PRKAR2B: variants seen among roughly 807,000 people sequenced by gnomAD.
The protein encoded by PRKAR2B is protein kinase cAMP-dependent type II regulatory subunit beta.
PRKAR2B carries 14 observed loss-of-function variants against 49.9 expected under a neutral mutation model. The ratio of observed to expected loss-of-function variants is 0.28; its 90% CI spans 0.19 to 0.44. The LOEUF (loss-of-function observed/expected upper bound fraction) is 0.44, where lower values mean the gene tolerates loss of function less well. Ranked by LOEUF, PRKAR2B falls within the 20% of genes least tolerant of loss-of-function variation. The pLI, the probability that PRKAR2B is intolerant of heterozygous loss-of-function variation, is 1.00. For missense variants in PRKAR2B, 393 were observed against 537.9 expected (o/e 0.73, Z 2.67); for synonymous variants, 196 against 197.7 (o/e 0.99, Z 0.07).
chr7:107,116,559 G>A (rs147172311), intron 2 of PRKAR2B, among the ~76,000 whole-genome samples: 13 of 152,108 alleles, frequency 8.5e-5, no homozygotes, highest in African/African-American at 2.9e-4. Flanking sequence ...ACACATAGAT[G>A]CTTTGCATTA....
intron 10 of PRKAR2B, among the ~76,000 whole-genome samples, chr7:107,158,147 T>C (rs961365347): frequency 6.9e-6 from 1 of 145,842 alleles, no homozygotes; most frequent in African/African-American, 2.5e-5. Context: ...GTAATTTCCC[T>C]AAGTAGGGCT....
chr7:107,057,513 T>A (rs899661733), intron 1 of PRKAR2B, among the ~76,000 whole-genome samples: 7 of 152,028 alleles, frequency 4.6e-5, no homozygotes, highest in South Asian at 2.1e-4. Context: ...AATTTAAGAG[T>A]AATTATGTGA....
chr7:107,144,850 TAGTCAACAGAATAAA>T (rs1795861063), intron 5 of PRKAR2B, among the ~76,000 whole-genome samples: 1 of 150,706 alleles, frequency 6.6e-6, no homozygotes, highest in Non-Finnish European at 1.5e-5. Flanking sequence ...TGTTAGGGTT[TAGTCAACAGAATAAA>T]GCCAAAGAAT....
intron 2 of PRKAR2B, among the ~76,000 whole-genome samples, chr7:107,099,258 A>C (rs953170504): frequency 2.0e-5 from 3 of 151,998 alleles, no homozygotes; most frequent in Non-Finnish European, 4.4e-5. Flanking sequence ...TTGCAGTTTG[A>C]TCTCAGACTT....
At chr7:107,122,871 A>AT (rs1327404861) in intron 3 of PRKAR2B, among the ~76,000 whole-genome samples, 1 of 152,180 alleles carries the variant, frequency 6.6e-6, no homozygotes, top group Non-Finnish European at 1.5e-5. Context: ...TCCTGGACCC[A>AT]TGGGGATTCC....
At chr7:107,106,003 G>A (rs1795063319) in intron 2 of PRKAR2B, among the ~76,000 whole-genome samples, 1 of 152,068 alleles carries the variant, frequency 6.6e-6, no homozygotes, top group Non-Finnish European at 1.5e-5. Context: ...TCCTATTTTT[G>A]CCTATTGTAG....
chr7:107,052,905 A>G (rs1341778807), intron 1 of PRKAR2B, among the ~76,000 whole-genome samples: 1 of 152,192 alleles, frequency 6.6e-6, no homozygotes, highest in Admixed American at 6.5e-5. Context: ...ATCTTGGCTC[A>G]CTGCAGCCTC....
chr7:107,121,827 T>C (rs561250713), intron 2 of PRKAR2B, 125 bp from the exon 3 acceptor site: 3 of 453,700 alleles, frequency 6.6e-6, no homozygotes, highest in South Asian at 1.6e-4. Flanking sequence ...CTTCTCCTGG[T>C]TGAGGTGAAT....
In PRKAR2B at chr7:107,122,455, A is replaced by T. The variant is rs1584439863; in HGVS notation, c.396+451A>T. On this transcript the variant is annotated intron_variant, in intron 3 of 10. Transcript: ENST00000265717. ...TGTGAGTCTTCATAGTTTGCTCAGC[A>T]GCTGACTTCTTGCAGGCCCTAATGT... 2.0e-5 allele frequency among the ~76,000 whole-genome samples: 3 copies of T among 152,324 alleles called. No homozygotes were observed. In the East Asian group the frequency reaches 5.8e-4, roughly 29 times the overall value.
At chr7:107,117,394 T>C (rs1440272110) in intron 2 of PRKAR2B, among the ~76,000 whole-genome samples, 1 of 152,190 alleles carries the variant, frequency 6.6e-6, no homozygotes, top group African/African-American at 2.4e-5. Flanking sequence ...ATTGAGAACA[T>C]TGGCAAATTA....
chr7:107,107,691 C>T (rs997840340), intron 2 of PRKAR2B, among the ~76,000 whole-genome samples: 2 of 151,912 alleles, frequency 1.3e-5, no homozygotes, highest in Admixed American at 1.3e-4. Flanking sequence ...CAGAGTCTCG[C>T]TCTGTCACCA....
chr7:107,063,923 A>G (rs957598748), intron 1 of PRKAR2B, among the ~76,000 whole-genome samples: 15 of 152,210 alleles, frequency 9.9e-5, no homozygotes, highest in African/African-American at 3.6e-4. Flanking sequence ...CAAGCAGAAC[A>G]TTGGTCTCCA....
At position 107,157,219 on chromosome 7, in the gene PRKAR2B, G is replaced by C; in HGVS notation, c.1018G>C (p.Glu340Gln). 6.2e-7 allele frequency: 1 copy of C among 1,614,166 alleles called. No individual in the cohort carries two copies. The highest frequency in any genetic ancestry group is 1.3e-5 in the African/African-American group (1 of 75,068). The change falls in exon 10 of 11, where the codon GAA becomes CAA. Residue 340 changes from glutamate (E) to glutamine (Q), a missense_variant. Glu to Gln is a conservative substitution (Grantham distance 29, BLOSUM62 2). This residue lies in a region of PRKAR2B where 233 missense variants were observed against 390.4 expected (regional missense o/e 0.60). Coordinates refer to ENST00000265717, the MANE Select transcript of PRKAR2B (RefSeq NM_002736.3). ...AGAAGTGGAAGAGAATGGTGCAGTA[G>C]AAATCGCTCGATGCTCGCGGGGACA... ...KSEVEENGAV[E>Q]IARCSRGQYF...
intron 2 of PRKAR2B, among the ~76,000 whole-genome samples, chr7:107,076,915 T>C (rs1438025872): frequency 6.6e-6 from 1 of 152,206 alleles, no homozygotes; most frequent in Non-Finnish European, 1.5e-5. Context: ...TAGCAGAAGT[T>C]CACATCTTGT....
intron 4 of PRKAR2B, among the ~76,000 whole-genome samples, chr7:107,139,090 A>G (rs978015463): frequency 1.1e-4 from 17 of 151,572 alleles, no homozygotes; most frequent in African/African-American, 3.6e-4. Flanking sequence ...TTTTGGTCTC[A>G]TGGATATAAT....
chr7:107,122,499 A>C (rs1438452303), intron 3 of PRKAR2B, among the ~76,000 whole-genome samples: 1 of 152,154 alleles, frequency 6.6e-6, no homozygotes, highest in Non-Finnish European at 1.5e-5. Flanking sequence ...GAATTTGTCC[A>C]CTGTGATTTC....
intron 4 of PRKAR2B, 28 bp downstream of exon 4, chr7:107,128,323 G>A (rs752586332): frequency 1.9e-6 from 3 of 1,548,308 alleles, no homozygotes; most frequent in Admixed American, 3.3e-5. Flanking sequence ...AATAGAAATG[G>A]CTTTGTTTTT....
intron 2 of PRKAR2B, among the ~76,000 whole-genome samples, chr7:107,080,311 A>G (rs989994446): frequency 6.6e-6 from 1 of 152,196 alleles, no homozygotes; most frequent in Admixed American, 6.5e-5. Context: ...AGAAGAATCA[A>G]GTTTCAACCA....
At chr7:107,109,139 G>T (rs1171478859) in intron 2 of PRKAR2B, among the ~76,000 whole-genome samples, 1 of 152,210 alleles carries the variant, frequency 6.6e-6, no homozygotes, top group African/African-American at 2.4e-5. Flanking sequence ...GGTCATTGCT[G>T]TGGCATCATT....
Sources: allele counts gnomAD v4.1 joint callset (sites outside exome capture counted in the v4.1 genomes callset), GRCh38; gene constraint gnomAD v4.1.1; regional missense constraint gnomAD v4.1.1; transcripts MANE v1.5; gene names NCBI Gene and HGNC (gene_info 2026-07-23, HGNC 2026-07-21).